Variants in MN1 observed in about 807,000 individuals in gnomAD.
The protein encoded by MN1 is transcriptional activator MN1.
A neutral mutation model predicts 86.9 loss-of-function variants in MN1; 19 were observed. That is an observed-to-expected ratio of 0.22 (90% CI 0.15 to 0.32). The LOEUF is 0.32. MN1 is among the 10% of genes least tolerant of loss of function. The pLI is 1.00. For missense variants in MN1, 1,841 were observed against 1,862.0 expected (o/e 0.99, Z 0.21); for synonymous variants, 928 against 849.6 (o/e 1.09, Z -1.60).
rs1235927388 is a variant in MN1 at position 27,755,925 on chromosome 22, C to CTTTTGTACATCTTCAGATGT, written c.3782-4830_3782-4829insACATCTGAAGATGTACAAAA. Among the ~76,000 whole-genome samples, 6 of 152,240 alleles carry CTTTTGTACATCTTCAGATGT rather than the reference C, an allele frequency of 3.9e-5. No homozygotes were observed. The East Asian group carries it at 1.2e-3, about 29-fold the overall frequency. On this transcript the variant is annotated intron_variant, in intron 1 of 1. Transcript: ENST00000302326. ...CGTGGAGCAAGGAACTTTTGTACAT[C>CTTTTGTACATCTTCAGATGT]ACTTCAGCTCTCAGAACCTCGGTTC...
chr22:27,799,636 G>GGCT lies in MN1; in HGVS notation c.905_907dup (p.Gln302dup), dbSNP rs763112044. The GGCT allele has an allele frequency of 6.5e-5, 101 of 1,544,596 alleles. 1 individual carries two copies. In the South Asian group the frequency reaches 1.0e-3, roughly 16 times the overall value. On this transcript the variant is annotated inframe_insertion, in exon 1 of 2. Transcript: ENST00000302326. ...ACCATGCTGCTGCTGCTGCTGCTGG[G>GGCT]GCTGCTGCTGCTGCTGGGGCTGCTG... is the stretch of plus-strand genomic sequence containing the variant.
In MN1 at chr22:27,796,777, G is replaced by T; in HGVS notation, c.3767C>A (p.Pro1256His). 6.3e-7 allele frequency: 1 copy of T among 1,599,324 alleles called. No individual in the cohort carries two copies. The change falls in exon 1 of 2, where the codon CCC (proline) becomes CAC (histidine). Residue 1256 changes from proline (P) to histidine (H), a missense_variant. By Grantham distance (77) the Pro-to-His change is moderately conservative (BLOSUM62 -2). Transcript: ENST00000302326. ...TGTGCATATACCTTCTTTGCTGTTG[G>T]GGTTCTGGGGTTTGGCCTTCTCCCA... ...APWEKAKPQNPNSKEAHDLPA... is the reference protein window; with the variant it reads ...APWEKAKPQNHNSKEAHDLPA...
At chr22:27,764,066 A>T (rs540306431) in intron 1 of MN1, among the ~76,000 whole-genome samples, 1 of 152,268 alleles carries the variant, frequency 6.6e-6, no homozygotes, top group African/African-American at 2.4e-5. Context: ...GAGGCTGCAA[A>T]ATTCAAGTGA....
chr22:27,800,704 G>C lies in MN1; in HGVS notation c.-161C>G, dbSNP rs528870950. 231 of 814,480 alleles carry C rather than the reference G, an allele frequency of 2.8e-4. 2 individuals carry two copies. In the South Asian group the frequency reaches 3.5e-3, roughly 12 times the overall value. 50.5% of individuals were successfully genotyped at this position (814,480 alleles called of 1,614,324 possible). Reference sequence around the variant, plus strand: ...TCCACCCCGCCTGATGTGAGGGACGGGGGGCGGGGTATTAGCTCCTCTCCT... The same window carrying C: ...TCCACCCCGCCTGATGTGAGGGACGCGGGGCGGGGTATTAGCTCCTCTCCT... On this transcript the variant is annotated 5_prime_UTR_variant, in exon 1 of 2. Transcript: ENST00000302326.
At chr22:27,791,272 G>A (rs559903618) in intron 1 of MN1, among the ~76,000 whole-genome samples, 4 of 151,966 alleles carry the variant, frequency 2.6e-5, no homozygotes, top group Non-Finnish European at 5.9e-5. Context: ...GTGAGAAGGC[G>A]AGGAGGCTTG....
chr22:27,763,374 A>G (rs1932847336), intron 1 of MN1, among the ~76,000 whole-genome samples: 1 of 152,112 alleles, frequency 6.6e-6, no homozygotes, highest in South Asian at 2.1e-4. Context: ...GTTCCCACGC[A>G]CTGCTTCATC....
At chr22:27,784,380 T>G (rs1933093365) in intron 1 of MN1, among the ~76,000 whole-genome samples, 3 of 152,178 alleles carry the variant, frequency 2.0e-5, no homozygotes, top group Non-Finnish European at 4.4e-5. Flanking sequence ...AGCCTCAATG[T>G]GGATGGACTG....
intron 1 of MN1, among the ~76,000 whole-genome samples, chr22:27,793,823 C>T (rs1368098231): frequency 5.3e-5 from 8 of 152,248 alleles, no homozygotes; most frequent in Admixed American, 5.2e-4. Context: ...CTTATTCGTT[C>T]CCTCCAATCC....
chr22:27,766,760 G>T (rs1052962525), intron 1 of MN1, among the ~76,000 whole-genome samples: 4 of 152,216 alleles, frequency 2.6e-5, no homozygotes, highest in Middle Eastern at 3.4e-3. Flanking sequence ...TAAGTCAAGG[G>T]CAGAAGTGTG....
chr22:27,750,769 T>C lies in MN1; in HGVS notation c.*146A>G. 1.7e-6 allele frequency: 1 copy of C among 602,098 alleles called. No homozygotes were observed. The highest frequency in any genetic ancestry group is 3.2e-5 in the East Asian group (1 of 31,670). The allele number at this position is 602,098 out of a possible 1,614,324, so 37.3% of individuals were successfully genotyped here. A position where few individuals can be genotyped will look rare whatever the true frequency, so the allele number is the denominator to read the frequency against. ...TCCGGTCCATATGCCACTAAGCAGG[T>C]ACCAACCTAGAGAAAAAAAAAAAAC... is the stretch of plus-strand genomic sequence containing the variant. On this transcript the variant is annotated 3_prime_UTR_variant, in exon 2 of 2. Transcript: ENST00000302326.
chr22:27,768,564 G>A (rs1188620240), intron 1 of MN1, among the ~76,000 whole-genome samples: 1 of 152,144 alleles, frequency 6.6e-6, no homozygotes, highest in Non-Finnish European at 1.5e-5. Flanking sequence ...GCTCCTACAA[G>A]CTCAGGAGCT....
intron 1 of MN1, among the ~76,000 whole-genome samples, chr22:27,790,561 A>G (rs1222864978): frequency 6.6e-6 from 1 of 152,198 alleles, no homozygotes; most frequent in Non-Finnish European, 1.5e-5. Flanking sequence ...TGCAGGCAGG[A>G]CCATGACTAA....
At chr22:27,764,655 GTC>G (rs1251753578) in intron 1 of MN1, among the ~76,000 whole-genome samples, 2 of 152,334 alleles carry the variant, frequency 1.3e-5, no homozygotes, top group Non-Finnish European at 2.9e-5. Context: ...CACTTAATCT[GTC>G]TGTGTCTTGG....
Position 27,798,735 on chromosome 22 carries a change from A to G in MN1, c.1809T>C (p.Phe603=). The G allele has an allele frequency of 4.6e-6, 7 of 1,535,750 alleles. No individual in the cohort carries two copies. Among genetic ancestry groups the G allele is most frequent in the Non-Finnish European group, 6.1e-6 (7 of 1,146,744 alleles). ...CGCCCGTGCTGCCGCCTTCGCGCTCAAAGTTCGGCTGGGCCAAGCCGCCCA... is the reference window on the plus strand; with the variant it reads ...CGCCCGTGCTGCCGCCTTCGCGCTCGAAGTTCGGCTGGGCCAAGCCGCCCA... ...GPVGGLAQPN[F]EREGGSTGAG... is the part of the protein sequence containing the mutation. Residue 603 remains phenylalanine, a synonymous_variant, in exon 1 of 2, where the codon TTT becomes TTC. Transcript: ENST00000302326.
Position 27,800,103 on chromosome 22 carries a change from C to T in MN1, c.441G>A (p.Pro147=), listed in dbSNP as rs1175321588. The T allele has an allele frequency of 6.3e-7, 1 of 1,584,114 alleles. No individual in the cohort carries two copies. Among genetic ancestry groups the T allele is most frequent in the Non-Finnish European group, 8.5e-7 (1 of 1,170,616 alleles). ...GGAAGGLGSQ[P]PFAEGYEHMA... is the part of the protein sequence containing the mutation. The stretch of plus-strand genomic sequence containing the variant: ...TGTGCTCATAGCCCTCGGCGAAGGG[C>T]GGCTGGCTGCCCAGGCCTCCGGCTG... The change falls in exon 1 of 2, where the codon CCG becomes CCA. Residue 147 remains proline, a synonymous_variant. Coordinates refer to ENST00000302326, the MANE Select transcript of MN1 (RefSeq NM_002430.3).
Position 27,786,839 on chromosome 22 carries a change from T to TGC in MN1, c.3781+9922_3781+9923dup, listed in dbSNP as rs746829320. ...GGCAATCCGGGCCCATTAATGCCCGTGCGCACACACACACACACACACACA... is the reference window on the plus strand; with the variant it reads ...GGCAATCCGGGCCCATTAATGCCCGTGCGCGCACACACACACACACACACACA... On this transcript the variant is annotated intron_variant, in intron 1 of 1. Transcript: ENST00000302326. 3.9e-4 allele frequency among the ~76,000 whole-genome samples: 55 copies of TGC among 141,136 alleles called. 1 individual carries two copies. Among genetic ancestry groups the TGC allele is most frequent in the East Asian group, 1.8e-3 (7 of 3,884 alleles). The allele number at this position is 141,136 out of a possible 152,430, so 92.6% of individuals were successfully genotyped here.
chr22:27,762,438 A>G (rs1190506351), intron 1 of MN1, among the ~76,000 whole-genome samples: 2 of 152,190 alleles, frequency 1.3e-5, no homozygotes, highest in East Asian at 3.9e-4. Context: ...CATAAATAGT[A>G]GCTGCCATTC....
intron 1 of MN1, chr22:27,791,902 G>A (rs908890645): frequency 2.0e-5 from 3 of 152,166 alleles, no homozygotes; most frequent in African/African-American, 7.2e-5. Context: ...GAGATCCTGT[G>A]AAATCCCAGT....
chr22:27,754,860 G>A (rs574592313), intron 1 of MN1, among the ~76,000 whole-genome samples: 1 of 152,264 alleles, frequency 6.6e-6, no homozygotes, highest in African/African-American at 2.4e-5. Flanking sequence ...CCCAGCACTG[G>A]CAGACATCAC....
Sources: allele counts gnomAD v4.1 joint callset (sites outside exome capture counted in the v4.1 genomes callset), GRCh38; gene constraint gnomAD v4.1.1; transcripts MANE v1.5; gene names NCBI Gene and HGNC (gene_info 2026-07-23, HGNC 2026-07-21).